SGIP1: variants seen among roughly 807,000 people sequenced by gnomAD.
The protein encoded by SGIP1 is SH3-containing GRB2-like protein 3-interacting protein 1.
SGIP1 carries 38 observed loss-of-function variants against 107.5 expected under a neutral mutation model. The ratio of observed to expected loss-of-function variants is 0.35; its 90% confidence interval spans 0.27 to 0.46. The LOEUF (loss-of-function observed/expected upper bound fraction) is 0.46, where lower values mean the gene tolerates loss of function less well. Ranked by LOEUF, SGIP1 falls within the 20% of genes least tolerant of loss-of-function variation. The pLI is 1.00. For synonymous variants in SGIP1, 365 were observed against 366.1 expected (o/e 1.00, Z 0.03); for missense variants, 929 against 1,019.5 (o/e 0.91, Z 1.21).
At chr1:66,566,356 A>G (rs1487103534) in intron 1 of SGIP1, among the ~76,000 whole-genome samples, 7 of 152,048 alleles carry the variant, frequency 4.6e-5, no homozygotes, top group East Asian at 1.9e-4. Flanking sequence ...GAGACTAATA[A>G]CAACTAATAA....
intron 8 of SGIP1, among the ~76,000 whole-genome samples, chr1:66,665,087 T>A (rs531923851): frequency 6.6e-6 from 1 of 152,344 alleles, no homozygotes; most frequent in Admixed American, 6.5e-5. Flanking sequence ...ACTCATCATT[T>A]ACATTAAGTA....
At chr1:66,698,452 C>CG (rs1207905794) in intron 18 of SGIP1, among the ~76,000 whole-genome samples, 2 of 149,194 alleles carry the variant, frequency 1.3e-5, no homozygotes, top group African/African-American at 5.0e-5. Context: ...GATCTCGGCT[C>CG]ACTGCAAGCT....
chr1:66,580,245 G>A (rs12069946), intron 1 of SGIP1, among the ~76,000 whole-genome samples: 28,602 of 151,944 alleles, frequency 0.19, 3,191 homozygotes, highest in African/African-American at 0.31. Flanking sequence ...TATAACCTAA[G>A]GCCCCACTAC....
At chr1:66,628,368 T>G (rs987820521) in intron 2 of SGIP1, 1 of 154,594 alleles carries the variant, frequency 6.5e-6, no homozygotes, top group African/African-American at 2.4e-5. Context: ...TACCCTTTAC[T>G]TTGCTGGGCC....
At chr1:66,558,102 C>T (rs1004885077) in intron 1 of SGIP1, among the ~76,000 whole-genome samples, 3 of 152,190 alleles carry the variant, frequency 2.0e-5, no homozygotes, top group Middle Eastern at 3.4e-3. Flanking sequence ...GTTTTAATCA[C>T]AGAGTCTTAT....
chr1:66,618,207 G>A (rs1218441689), intron 1 of SGIP1, among the ~76,000 whole-genome samples: 1 of 152,212 alleles, frequency 6.6e-6, no homozygotes, highest in Non-Finnish European at 1.5e-5. Context: ...CACCTAAAAT[G>A]TAATGTGGCC....
intron 1 of SGIP1, among the ~76,000 whole-genome samples, chr1:66,602,664 A>T (rs992071885): frequency 2.6e-5 from 4 of 151,832 alleles, no homozygotes; most frequent in Non-Finnish European, 5.9e-5. Flanking sequence ...ATAAATAAAT[A>T]AAAAGAAATA....
At chr1:66,584,652 A>G (rs1457650756) in intron 1 of SGIP1, among the ~76,000 whole-genome samples, 2 of 152,184 alleles carry the variant, frequency 1.3e-5, no homozygotes, top group African/African-American at 4.8e-5. Flanking sequence ...CCATATTGGT[A>G]TACATCTAGG....
intron 24 of SGIP1, among the ~76,000 whole-genome samples, chr1:66,742,524 C>T (rs1175498130): frequency 8.8e-6 from 1 of 113,032 alleles, no homozygotes; most frequent in African/African-American, 3.6e-5. Context: ...GGCTGGAGTG[C>T]AGTGGCGCTA....
chr1:66,663,244 C>T (rs1283448972), intron 8 of SGIP1, among the ~76,000 whole-genome samples: 3 of 152,072 alleles, frequency 2.0e-5, no homozygotes, highest in Non-Finnish European at 4.4e-5. Flanking sequence ...CTTTTTACTC[C>T]TGCAAGCATT....
At chr1:66,630,863 GAA>G (rs1491089597) in intron 2 of SGIP1, among the ~76,000 whole-genome samples, 2 of 31,878 alleles carry the variant, frequency 6.3e-5, no homozygotes, top group South Asian at 4.4e-3. Context: ...AAGAAAGAAA[GAA>G]AGAAAGAAAG....
chr1:66,537,497 G>T (rs943063021), intron 1 of SGIP1, among the ~76,000 whole-genome samples: 7 of 152,040 alleles, frequency 4.6e-5, no homozygotes, highest in African/African-American at 1.7e-4. Flanking sequence ...AGTTTCTTGG[G>T]CTATCTGTCT....
chr1:66,660,857 A>T (rs1046647270), intron 8 of SGIP1, among the ~76,000 whole-genome samples: 1 of 152,224 alleles, frequency 6.6e-6, no homozygotes, highest in Non-Finnish European at 1.5e-5. Context: ...CTACTTATAC[A>T]TATCATGAGC....
chr1:66,592,373 A>G (rs1344275979), intron 1 of SGIP1, among the ~76,000 whole-genome samples: 2 of 152,176 alleles, frequency 1.3e-5, no homozygotes, highest in African/African-American at 4.8e-5. Context: ...CCCTAAATCC[A>G]TTAAACCTTG....
intron 16 of SGIP1, 109 bp downstream of exon 16, chr1:66,689,384 C>T: frequency 2.2e-6 from 3 of 1,369,016 alleles, no homozygotes; most frequent in Non-Finnish European, 3.0e-6. Flanking sequence ...ACAACCCTGA[C>T]AGGTGGCATC....
At chr1:66,733,095 C>T (rs2094091186) in intron 20 of SGIP1, among the ~76,000 whole-genome samples, 1 of 152,186 alleles carries the variant, frequency 6.6e-6, no homozygotes, top group Non-Finnish European at 1.5e-5. Flanking sequence ...GGATATAAAA[C>T]TTCTTAGCTT....
intron 19 of SGIP1, among the ~76,000 whole-genome samples, chr1:66,719,808 C>T (rs771412614): frequency 6.6e-6 from 1 of 152,076 alleles, no homozygotes; most frequent in African/African-American, 2.4e-5. Context: ...GAATCACCCA[C>T]ATATAAATTA....
chr1:66,705,139 C>T (rs2092373379), intron 18 of SGIP1, among the ~76,000 whole-genome samples: 1 of 152,284 alleles, frequency 6.6e-6, no homozygotes, highest in Admixed American at 6.5e-5. Flanking sequence ...ATTTCTGCTA[C>T]AGCGTGGACT....
intron 1 of SGIP1, among the ~76,000 whole-genome samples, chr1:66,624,289 G>A (rs2072031737): frequency 6.6e-6 from 1 of 152,088 alleles, no homozygotes; most frequent in Admixed American, 6.6e-5. Flanking sequence ...GTCCTTATAA[G>A]GGAATAAGAC....
Sources: allele counts gnomAD v4.1 joint callset (sites outside exome capture counted in the v4.1 genomes callset), GRCh38; gene constraint gnomAD v4.1.1; transcripts MANE v1.5; gene names NCBI Gene and HGNC (gene_info 2026-07-23, HGNC 2026-07-21).